The following OR51B5 variants were observed in gnomAD, a reference collection of about 807,000 sequenced individuals.
OR51B5 encodes olfactory receptor family 51 subfamily B member 5.
For synonymous variants in OR51B5, 186 were observed against 144.8 expected (o/e 1.28, Z -2.04); for missense variants, 456 against 374.6 (o/e 1.22, Z -1.79).
chr11:5,358,580 A>T (rs982449741), intron 1 of OR51B5, among the ~76,000 whole-genome samples: 8 of 152,232 alleles, frequency 5.3e-5, no homozygotes, highest in African/African-American at 1.9e-4. Context: ...AGGAGCTGGT[A>T]CCATTCCCTC....
At chr11:5,472,210 A>T (rs984661211) in intron 1 of OR51B5, among the ~76,000 whole-genome samples, 1 of 152,160 alleles carries the variant, frequency 6.6e-6, no homozygotes, top group African/African-American at 2.4e-5. Flanking sequence ...CACCAACTAG[A>T]TGGGGGATGT....
intron 1 of OR51B5, among the ~76,000 whole-genome samples, chr11:5,361,499 C>T (rs1437882878): frequency 6.6e-6 from 1 of 152,160 alleles, no homozygotes; most frequent in Non-Finnish European, 1.5e-5. Flanking sequence ...GACTTATGAA[C>T]AGGTCGGTAA....
At chr11:5,379,713 ACATT>A (rs1849581562) in intron 1 of OR51B5, among the ~76,000 whole-genome samples, 2 of 151,938 alleles carry the variant, frequency 1.3e-5, no homozygotes, top group Non-Finnish European at 2.9e-5. Context: ...AGATGTTGAA[ACATT>A]CAGTCAATAA....
intron 1 of OR51B5, among the ~76,000 whole-genome samples, chr11:5,399,543 G>C (rs1303862473): frequency 6.6e-6 from 1 of 152,108 alleles, no homozygotes; most frequent in African/African-American, 2.4e-5. Context: ...AGCTCCAGGG[G>C]TACAGTCATC....
At chr11:5,363,800 C>T (rs146044625) in intron 1 of OR51B5, among the ~76,000 whole-genome samples, 1 of 152,282 alleles carries the variant, frequency 6.6e-6, no homozygotes, top group Non-Finnish European at 1.5e-5. Flanking sequence ...ATATGCAATA[C>T]ATCCAGACTA....
intron 1 of OR51B5, chr11:5,352,142 T>A: frequency 6.2e-7 from 1 of 1,614,238 alleles, no homozygotes; most frequent in Non-Finnish European, 8.5e-7. Flanking sequence ...TTTCTCATCA[T>A]CTTTTTCTCC....
At position 5,440,827 on chromosome 11, in the gene OR51B5, T is replaced by C. The variant is rs773910246; in HGVS notation, n.84+64742A>G. ...TTGAGCCGCTGTTCCTGGGATATGA[T>C]GACCAGCATGGCTCTCAGGATCAAT... On this transcript the variant is annotated intron_variant and non_coding_transcript_variant, in intron 1 of 4. Coordinates refer to the OR51B5 transcript ENST00000415970. 12 of 1,613,742 alleles carry C rather than the reference T, an allele frequency of 7.4e-6. 1 individual carries two copies. The South Asian group carries it at 1.3e-4, about 18-fold the overall frequency.
At chr11:5,454,224 C>T in intron 1 of OR51B5, 1 of 1,614,214 alleles carries the variant, frequency 6.2e-7, no homozygotes, top group Non-Finnish European at 8.5e-7. Context: ...GTCACATATC[C>T]TGGCTGTACT....
intron 1 of OR51B5, among the ~76,000 whole-genome samples, chr11:5,423,461 C>A (rs542192607): frequency 6.6e-6 from 1 of 152,150 alleles, no homozygotes; most frequent in Non-Finnish European, 1.5e-5. Context: ...TTCTCTCCTA[C>A]GGGCTTGTTT....
intron 1 of OR51B5, among the ~76,000 whole-genome samples, chr11:5,423,546 T>C (rs968938562): frequency 2.6e-5 from 4 of 152,196 alleles, no homozygotes; most frequent in African/African-American, 9.6e-5. Context: ...CAGTTCCATT[T>C]AGGCATTTAG....
chr11:5,371,262 C>T (rs938298783), intron 1 of OR51B5, among the ~76,000 whole-genome samples: 4 of 152,126 alleles, frequency 2.6e-5, no homozygotes, highest in Non-Finnish European at 5.9e-5. Flanking sequence ...GATCTAGGGT[C>T]TTTCACATTA....
At chr11:5,379,760 T>G (rs1473263250) in intron 1 of OR51B5, among the ~76,000 whole-genome samples, 1 of 152,184 alleles carries the variant, frequency 6.6e-6, no homozygotes, top group Non-Finnish European at 1.5e-5. Context: ...ATTTTTTGTT[T>G]CCTTTTAGAA....
intron 1 of OR51B5, among the ~76,000 whole-genome samples, chr11:5,363,460 CT>C: frequency 1.7e-5 from 1 of 58,128 alleles, no homozygotes; most frequent in Non-Finnish European, 4.1e-5. Context: ...CACACACACT[CT>C]CTCTCTCACA....
intron 1 of OR51B5, among the ~76,000 whole-genome samples, chr11:5,463,781 G>T (rs1283557754): frequency 1.3e-5 from 2 of 152,250 alleles, no homozygotes; most frequent in East Asian, 3.9e-4. Flanking sequence ...AGGTTTTATG[G>T]GAGAAACCTG....
chr11:5,401,589 G>C (rs547872998), intron 1 of OR51B5, among the ~76,000 whole-genome samples: 1 of 152,170 alleles, frequency 6.6e-6, no homozygotes, highest in South Asian at 2.1e-4. Context: ...GTAATTTTTA[G>C]CTCTTTTTAT....
intron 1 of OR51B5, among the ~76,000 whole-genome samples, chr11:5,437,176 G>A (rs1213627991): frequency 6.6e-6 from 1 of 152,034 alleles, no homozygotes; most frequent in Non-Finnish European, 1.5e-5. Flanking sequence ...TTATAATGAT[G>A]AAGTTGGAGA....
intron 1 of OR51B5, among the ~76,000 whole-genome samples, chr11:5,378,144 A>C (rs1849555884): frequency 6.6e-6 from 1 of 151,834 alleles, no homozygotes. Context: ...CAGAGCCCTC[A>C]GAAATAACGA....
At chr11:5,344,913 G>T (rs189120687), upstream of OR51B5, among the ~76,000 whole-genome samples, 559 of 152,204 alleles carry the variant, frequency 3.7e-3, 5 homozygotes, top group Non-Finnish European at 5.0e-3. Flanking sequence ...GCAGTTTGAG[G>T]GGCCTAGAAC....
At chr11:5,353,405 TAAGACTAGA>T (rs1351671845) in intron 1 of OR51B5, among the ~76,000 whole-genome samples, 1 of 152,134 alleles carries the variant, frequency 6.6e-6, no homozygotes, top group Admixed American at 6.6e-5. Flanking sequence ...ACATCAGAGA[TAAGACTAGA>T]TAGGGGTGTC....
Sources: allele counts gnomAD v4.1 joint callset (sites outside exome capture counted in the v4.1 genomes callset), GRCh38; gene constraint gnomAD v4.1.1; transcripts MANE v1.5; gene names NCBI Gene and HGNC (gene_info 2026-07-23, HGNC 2026-07-21).